The following BRINP2 variants were observed in gnomAD, a reference collection of about 807,000 sequenced individuals.
BRINP2 encodes BMP/retinoic acid inducible neural specific 2.
Under a neutral mutation model 69.2 loss-of-function variants are expected in BRINP2, and 21 were observed. The observed-to-expected ratio is 0.30, with a 90% confidence interval of 0.22 to 0.44. BRINP2 has a LOEUF of 0.44. Ranked by LOEUF, BRINP2 falls within the 20% of genes least tolerant of loss-of-function variation. The probability of loss-of-function intolerance (pLI) is 1.00; values close to 1 mark genes in which losing one functional copy is unlikely to be tolerated. For missense variants in BRINP2, 877 were observed against 986.0 expected, an observed-to-expected ratio of 0.89 and a Z score of 1.48; for synonymous variants, 380 against 394.1, an observed-to-expected ratio of 0.96 and a Z score of 0.42.
At chr1:177,279,198 T>C (rs1651612540) in intron 7 of BRINP2, among the ~76,000 whole-genome samples, 2 of 152,174 alleles carry the variant, frequency 1.3e-5, no homozygotes. Context: ...AGTGGAGACC[T>C]GCACCCTCAG....
intron 1 of BRINP2, among the ~76,000 whole-genome samples, chr1:177,183,137 C>CTT (rs71129597): frequency 0.035 from 1,880 of 53,848 alleles, 124 homozygotes; most frequent in Non-Finnish European, 0.044. Flanking sequence ...AGTGTGTGAG[C>CTT]TTTTTTTTTT....
At chr1:177,189,946 C>T (rs1267995573) in intron 1 of BRINP2, among the ~76,000 whole-genome samples, 1 of 152,210 alleles carries the variant, frequency 6.6e-6, no homozygotes, top group Non-Finnish European at 1.5e-5. Flanking sequence ...TCAGCCAAGA[C>T]TGAGGAGGGT....
chr1:177,266,662 A>G (rs1303895534), intron 4 of BRINP2, among the ~76,000 whole-genome samples: 3 of 146,124 alleles, frequency 2.1e-5, no homozygotes, highest in African/African-American at 7.5e-5. Context: ...CGGGAGGGTG[A>G]GGAAGGAGAA....
chr1:177,236,711 A>G (rs1650038540), intron 2 of BRINP2, among the ~76,000 whole-genome samples: 1 of 152,162 alleles, frequency 6.6e-6, no homozygotes. Flanking sequence ...AGGCTTGTGG[A>G]ATGGTGGTGT....
intron 1 of BRINP2, among the ~76,000 whole-genome samples, chr1:177,226,923 C>T (rs368047816): frequency 1.5e-4 from 23 of 152,290 alleles, no homozygotes; most frequent in African/African-American, 5.3e-4. Flanking sequence ...AGAAGCTTGA[C>T]GCTTCACTGT....
chr1:177,228,720 T>C (rs528685804), intron 1 of BRINP2, among the ~76,000 whole-genome samples: 22 of 152,220 alleles, frequency 1.4e-4, no homozygotes, highest in African/African-American at 5.3e-4. Flanking sequence ...AATTAAAGAT[T>C]GAGGAAATGA....
chr1:177,241,034 C>A (rs561006735), intron 2 of BRINP2, among the ~76,000 whole-genome samples: 1 of 151,480 alleles, frequency 6.6e-6, no homozygotes, highest in Non-Finnish European at 1.5e-5. Context: ...TACAGTGGTG[C>A]GATCTCAGCT....
At chr1:177,203,475 T>A (rs1648980722) in intron 1 of BRINP2, among the ~76,000 whole-genome samples, 1 of 151,004 alleles carries the variant, frequency 6.6e-6, no homozygotes, top group African/African-American at 2.4e-5. Flanking sequence ...ACTTAAAGTA[T>A]AATAACGATA....
chr1:177,280,283 A>C, intron 7 of BRINP2, 129 bp from the exon 8 acceptor site: 5 of 979,808 alleles, frequency 5.1e-6, no homozygotes, highest in Non-Finnish European at 7.7e-6. Context: ...TCTGCCACTC[A>C]GAGATCTTGG....
chr1:177,197,870 T>C (rs1272603646), intron 1 of BRINP2, among the ~76,000 whole-genome samples: 2 of 151,826 alleles, frequency 1.3e-5, no homozygotes, highest in African/African-American at 2.4e-5. Flanking sequence ...TTAGAGAGAG[T>C]GAAGGTAGGT....
At chr1:177,252,499 A>C (rs1650614352) in intron 2 of BRINP2, among the ~76,000 whole-genome samples, 1 of 152,216 alleles carries the variant, frequency 6.6e-6, no homozygotes, top group Non-Finnish European at 1.5e-5. Context: ...GTTTCAATAC[A>C]TGCATACACC....
intron 1 of BRINP2, among the ~76,000 whole-genome samples, chr1:177,189,341 G>T (rs1204949077): frequency 6.6e-6 from 1 of 152,100 alleles, no homozygotes; most frequent in African/African-American, 2.4e-5. Context: ...AGGTCCATTT[G>T]GTAACTGAGA....
chr1:177,249,437 C>G (rs185716426), intron 2 of BRINP2, among the ~76,000 whole-genome samples: 241 of 152,268 alleles, frequency 1.6e-3, no homozygotes, highest in South Asian at 4.4e-3. Context: ...AACCTGTCAG[C>G]CCTGAATGCA....
intron 4 of BRINP2, among the ~76,000 whole-genome samples, chr1:177,265,755 C>T (rs1055791230): frequency 1.3e-5 from 2 of 152,052 alleles, no homozygotes; most frequent in African/African-American, 4.8e-5. Flanking sequence ...TTCTCAGAAC[C>T]TCAGTTTACT....
intron 2 of BRINP2, among the ~76,000 whole-genome samples, chr1:177,245,437 A>G (rs1352912205): frequency 6.6e-6 from 1 of 152,236 alleles, no homozygotes; most frequent in Non-Finnish European, 1.5e-5. Flanking sequence ...CAAAAGGAAT[A>G]AACTTGTAGA....
Position 177,281,455 on chromosome 1 carries a change from A to G in BRINP2, c.2279A>G (p.Gln760Arg). 6.2e-7 allele frequency: 1 copy of G among 1,613,898 alleles called. No homozygotes were observed. The highest frequency in any genetic ancestry group is 2.2e-5 in the East Asian group (1 of 44,866). ...KLANNEVGRI[Q>R]SSLRAFNSKL... ...GCCAACAATGAGGTGGGCAGGATCC[A>G]GTCCTCCCTGAGGGCTTTCAATTCT... is the stretch of plus-strand genomic sequence containing the variant. The change falls in exon 8 of 8, where the codon CAG (glutamine) becomes CGG (arginine). Residue 760 changes from glutamine to arginine, a missense_variant. Transcript: ENST00000361539.
rs1419220723 is a variant in BRINP2 at position 177,230,076 on chromosome 1, G to T, written c.200G>T (p.Arg67Leu). 2 of 1,613,704 alleles carry T rather than the reference G, an allele frequency of 1.2e-6. No homozygotes were observed. The highest frequency in any genetic ancestry group is 1.3e-5 in the African/African-American group (1 of 75,030). The change falls in exon 2 of 8, where the codon CGC (arginine) becomes CTC (leucine). Residue 67 changes from arginine (R) to leucine (L), a missense_variant. Physicochemically the swap from Arg to Leu is moderately radical, Grantham distance 102. Coordinates refer to ENST00000361539, the MANE Select transcript of BRINP2 (RefSeq NM_021165.4). ...CTCACAGACCGGGGCCCCTTCCACC[G>T]CGCTCAGGAGTATGCTGACTTCATG... is the stretch of plus-strand genomic sequence containing the variant. ...WLLTDRGPFHRAQEYADFMER... is the reference protein window; with the variant it reads ...WLLTDRGPFHLAQEYADFMER...
intron 2 of BRINP2, among the ~76,000 whole-genome samples, chr1:177,251,512 CTG>C (rs1650580048): frequency 6.6e-6 from 1 of 152,190 alleles, no homozygotes; most frequent in Non-Finnish European, 1.5e-5. Flanking sequence ...CATTTACTAA[CTG>C]TGTGACTTCA....
chr1:177,269,147 T>C (rs1026714564), intron 4 of BRINP2, among the ~76,000 whole-genome samples: 1 of 151,896 alleles, frequency 6.6e-6, no homozygotes, highest in Non-Finnish European at 1.5e-5. Flanking sequence ...AAAGGGAGAG[T>C]ATACCTGAGG....
Sources: gnomAD v4.1 joint callset for allele counts (sites outside exome capture counted in the v4.1 genomes callset) on GRCh38, gnomAD v4.1.1 for gene constraint, MANE v1.5 for transcripts, NCBI Gene and HGNC (gene_info 2026-07-23, HGNC 2026-07-21) for gene names.